Variants in ARHGAP8 observed in about 807,000 individuals in gnomAD.
The protein encoded by ARHGAP8 is rho GTPase-activating protein 8.
In ARHGAP8, 62 loss-of-function variants were observed where a neutral mutation model predicts 46.1. The ratio of observed to expected loss-of-function variants is 1.34; its 90% confidence interval spans 1.10 to 1.66. The LOEUF (loss-of-function observed/expected upper bound fraction) is 1.66, where lower values mean the gene tolerates loss of function less well. Ranked by LOEUF, ARHGAP8 falls within the 40% of genes most tolerant of loss-of-function variation. The pLI is 0.00. For missense variants in ARHGAP8, 923 were observed against 568.4 expected (o/e 1.62, Z -6.34); for synonymous variants, 375 against 243.1 (o/e 1.54, Z -5.05).
At position 44,862,490 on chromosome 22, in the gene ARHGAP8, C is replaced by T. The variant is rs770616058; in HGVS notation, c.1197C>T (p.Ser399=). The change falls in exon 12 of 12, where the codon AGC becomes AGT. Residue 399 remains serine, a synonymous_variant. Transcript: ENST00000356099. The stretch of plus-strand genomic sequence containing the variant: ...GCCTGGCACCATGGGAACAGGGGAG[C>T]AGGGCAGCCCCTTTGCAGGAGGCTG... ...EHGLAPWEQG[S]RAAPLQEAVP... The T allele has an allele frequency of 1.3e-5, 21 of 1,613,558 alleles. No homozygotes were observed. The highest frequency in any genetic ancestry group is 2.2e-5 in the South Asian group (2 of 91,070).
rs140567858 is a variant in ARHGAP8 at position 44,862,464 on chromosome 22, G to T, written c.1171G>T (p.Gly391Cys). The T allele has an allele frequency of 4.3e-6, 7 of 1,613,938 alleles. No homozygotes were observed. The highest frequency in any genetic ancestry group is 1.7e-5 in the Admixed American group (1 of 60,018). ...CACCCCGGAGGCACCTGGGGAGCAC[G>T]GCCTGGCACCATGGGAACAGGGGAG... ...FSTPEAPGEH[G>C]LAPWEQGSRA... The change falls in exon 12 of 12, where the codon GGC (glycine) becomes TGC (cysteine). Residue 391 changes from glycine to cysteine, a missense_variant. Gly to Cys is a radical substitution (Grantham distance 159). Coordinates refer to ENST00000356099, the MANE Select transcript of ARHGAP8 (RefSeq NM_181335.3).
intron 1 of ARHGAP8, among the ~76,000 whole-genome samples, chr22:44,776,744 G>A (rs978465088): frequency 5.0e-4 from 76 of 152,272 alleles, no homozygotes; most frequent in Admixed American, 1.8e-3. Context: ...TTGCTTCAGC[G>A]GGTGGCGTCA....
In ARHGAP8 at chr22:44,862,300, A is replaced by C. The variant is rs778294080; in HGVS notation, c.1007A>C (p.Lys336Thr). Residue 336 changes from lysine (K) to threonine (T), a missense_variant, in exon 12 of 12, where the codon AAA (lysine) becomes ACA (threonine). Lys to Thr is a moderately conservative substitution (Grantham distance 78). Transcript: ENST00000356099. ...GTGTCCCGGGAGAGCATCTTCAACAAAATGAACAGCTCTAACCTGGCCTGT... is the reference window on the plus strand; with the variant it reads ...GTGTCCCGGGAGAGCATCTTCAACACAATGAACAGCTCTAACCTGGCCTGT... Reference protein sequence around the residue: ...HAVSRESIFNKMNSSNLACVF... With the variant: ...HAVSRESIFNTMNSSNLACVF... The C allele has an allele frequency of 3.8e-6, 6 of 1,599,462 alleles. No homozygotes were observed. Among genetic ancestry groups the C allele is most frequent in the Non-Finnish European group, 5.1e-6 (6 of 1,168,412 alleles).
intron 1 of ARHGAP8, among the ~76,000 whole-genome samples, chr22:44,780,201 A>G (rs56295989): frequency 0.074 from 11,281 of 152,244 alleles, 885 homozygotes; most frequent in African/African-American, 0.2. Context: ...TTATAAAAAT[A>G]CACTCAGTGG....
chr22:44,835,675 G>T (rs1931236096), intron 7 of ARHGAP8, among the ~76,000 whole-genome samples: 1 of 152,184 alleles, frequency 6.6e-6, no homozygotes, highest in Non-Finnish European at 1.5e-5. Flanking sequence ...ACTTTTGGGT[G>T]TTGTCTTCCA....
rs754001932 is a variant in ARHGAP8 at position 44,862,478 on chromosome 22, G to C, written c.1185G>C (p.Trp395Cys). The change falls in exon 12 of 12, where the codon TGG becomes TGC. Residue 395 changes from tryptophan to cysteine, a missense_variant. By Grantham distance (215) the Trp-to-Cys change is radical (BLOSUM62 -2). Coordinates refer to ENST00000356099, the MANE Select transcript of ARHGAP8 (RefSeq NM_181335.3). ...CTGGGGAGCACGGCCTGGCACCATG[G>C]GAACAGGGGAGCAGGGCAGCCCCTT... The part of the protein sequence containing the change: ...EAPGEHGLAP[W>C]EQGSRAAPLQ... 5 of 1,613,486 alleles carry C rather than the reference G, an allele frequency of 3.1e-6. No individual in the cohort carries two copies. Among genetic ancestry groups the C allele is most frequent in the Non-Finnish European group, 3.4e-6 (4 of 1,179,828 alleles).
At chr22:44,846,228 G>T (rs889991924) in intron 8 of ARHGAP8, among the ~76,000 whole-genome samples, 1 of 152,230 alleles carries the variant, frequency 6.6e-6, no homozygotes, top group African/African-American at 2.4e-5. Flanking sequence ...CTGGCGGGGA[G>T]TTCCCATGCA....
At chr22:44,845,993 G>A (rs557182384) in intron 8 of ARHGAP8, among the ~76,000 whole-genome samples, 1 of 147,194 alleles carries the variant, frequency 6.8e-6, no homozygotes, top group East Asian at 2.1e-4. Flanking sequence ...ATGCGTGGGT[G>A]TCAGACAAGA....
chr22:44,772,337 TGTA>T (rs1569137050), intron 1 of ARHGAP8, among the ~76,000 whole-genome samples: 7 of 130,394 alleles, frequency 5.4e-5, no homozygotes, highest in Non-Finnish European at 7.9e-5. Flanking sequence ...ACTTTTTTTT[TGTA>T]TTTTCTTTTT....
At position 44,808,179 on chromosome 22, in the gene ARHGAP8, A is replaced by G. The variant is rs915178885; in HGVS notation, c.168-128A>G. 1.1e-5 allele frequency: 16 copies of G among 1,428,502 alleles called. No homozygotes were observed. The African/African-American group carries it at 1.4e-4, about 13-fold the overall frequency. The allele number at this position is 1,428,502 out of a possible 1,614,324, so 88.5% of individuals were successfully genotyped here. ...AAATGAGGACCGGGGCCCACGGTGC[A>G]TGGAGTCTCCATGTGGCCCGGTGCT... On this transcript the variant is annotated intron_variant, in intron 3 of 11. Coordinates refer to ENST00000356099, the MANE Select transcript of ARHGAP8 (RefSeq NM_181335.3).
At chr22:44,858,946 C>T (rs1322580025) in intron 10 of ARHGAP8, among the ~76,000 whole-genome samples, 6 of 151,846 alleles carry the variant, frequency 4.0e-5, no homozygotes, top group Non-Finnish European at 4.4e-5. Context: ...AACTACTCAG[C>T]TCTGCCCTGA....
At chr22:44,781,990 G>A (rs906308853) in intron 1 of ARHGAP8, among the ~76,000 whole-genome samples, 6 of 152,136 alleles carry the variant, frequency 3.9e-5, no homozygotes, top group East Asian at 3.9e-4. Flanking sequence ...ATGCACCACC[G>A]TGTCTAGCCC....
At chr22:44,824,611 T>C (rs1417792081) in intron 6 of ARHGAP8, among the ~76,000 whole-genome samples, 1 of 146,140 alleles carries the variant, frequency 6.8e-6, no homozygotes, top group Non-Finnish European at 1.5e-5. Context: ...CAGAGGGTCT[T>C]TTCTTTTCTT....
intron 7 of ARHGAP8, among the ~76,000 whole-genome samples, chr22:44,831,063 C>A (rs1054686244): frequency 6.6e-6 from 1 of 152,196 alleles, no homozygotes; most frequent in Non-Finnish European, 1.5e-5. Context: ...ATGCTAGACC[C>A]TAGGCCCTTA....
At chr22:44,768,761 G>A (rs757002417) in intron 1 of ARHGAP8, among the ~76,000 whole-genome samples, 7 of 151,874 alleles carry the variant, frequency 4.6e-5, no homozygotes, top group South Asian at 2.1e-4. Flanking sequence ...ACATCAGGTC[G>A]CCCTTCTGTC....
chr22:44,806,327 C>T (rs780313417), intron 3 of ARHGAP8, among the ~76,000 whole-genome samples: 4 of 152,326 alleles, frequency 2.6e-5, no homozygotes, highest in Admixed American at 2.6e-4. Flanking sequence ...TTTGAAGTTA[C>T]TTCCACAACG....
In ARHGAP8 at chr22:44,822,353, T is replaced by C. The variant is rs1930214217; in HGVS notation, c.387-18T>C. 1.3e-6 allele frequency: 2 copies of C among 1,576,920 alleles called. No homozygotes were observed. Among genetic ancestry groups the C allele is most frequent in the East Asian group, 2.4e-5 (1 of 41,818 alleles). ...TGGCGCCTAATCGTTCTTTATTCTC[T>C]TGCTTCTGCTTTCTTAGTCACAAGT... On this transcript the variant is annotated intron_variant, in intron 5 of 11. Coordinates refer to ENST00000356099, the MANE Select transcript of ARHGAP8 (RefSeq NM_181335.3).
chr22:44,807,914 A>G (rs1191286012), intron 3 of ARHGAP8, among the ~76,000 whole-genome samples: 1 of 152,166 alleles, frequency 6.6e-6, no homozygotes, highest in Non-Finnish European at 1.5e-5. Context: ...CCTTAGAAGG[A>G]TGCATGTGAT....
Position 44,862,531 on chromosome 22 carries a change from C to A in ARHGAP8, c.1238C>A (p.Ala413Asp), listed in dbSNP as rs1237263340. Reference protein sequence around the residue: ...PLQEAVPRTQATGLTKPTLPP... With the variant: ...PLQEAVPRTQDTGLTKPTLPP... ...CAGGAGGCTGTGCCACGGACACAAG[C>A]CACGGGCCTCACCAAGCCTACCCTA... Residue 413 changes from alanine (A) to aspartate (D), a missense_variant, in exon 12 of 12, where the codon GCC (alanine) becomes GAC (aspartate). Coordinates refer to ENST00000356099, the MANE Select transcript of ARHGAP8 (RefSeq NM_181335.3). 6.2e-7 allele frequency: 1 copy of A among 1,609,912 alleles called. No homozygotes were observed. The highest frequency in any genetic ancestry group is 8.5e-7 in the Non-Finnish European group (1 of 1,176,824).
Sources: gnomAD v4.1 joint callset for allele counts (sites outside exome capture counted in the v4.1 genomes callset) on GRCh38, gnomAD v4.1.1 for gene constraint, MANE v1.5 for transcripts, NCBI Gene and HGNC (gene_info 2026-07-23, HGNC 2026-07-21) for gene names.